CORO2B: variants seen among roughly 807,000 people sequenced by gnomAD.
The protein encoded by CORO2B is coronin-2B.
Under a neutral mutation model 58.8 loss-of-function variants are expected in CORO2B, and 26 were observed. The observed-to-expected ratio is 0.44, with a 90% CI of 0.32 to 0.61. The LOEUF (loss-of-function observed/expected upper bound fraction) is 0.61, where lower values mean the gene tolerates loss of function less well. CORO2B is among the 20% of genes least tolerant of loss of function. CORO2B has a pLI of 0.04. For synonymous variants in CORO2B, 242 were observed against 253.8 expected, an observed-to-expected ratio of 0.95 and a Z score of 0.44; for missense variants, 460 against 645.1, an observed-to-expected ratio of 0.71 and a Z score of 3.11.
chr15:68,708,204 G>T (rs1371422656), intron 3 of CORO2B, among the ~76,000 whole-genome samples: 1 of 152,216 alleles, frequency 6.6e-6, no homozygotes, highest in African/African-American at 2.4e-5. Context: ...CTGGCTCTGT[G>T]GGGGGAACAC....
the CORO2B span, among the ~76,000 whole-genome samples, chr15:68,551,401 G>C: frequency 2.6e-5 from 4 of 152,172 alleles, no homozygotes; most frequent in Non-Finnish European, 5.9e-5. Context: ...ACCTTTGAGA[G>C]CCTTGCCTCA....
At chr15:68,608,385 C>T (rs1900173301) in intron 1 of CORO2B, among the ~76,000 whole-genome samples, 1 of 152,224 alleles carries the variant, frequency 6.6e-6, no homozygotes, top group Non-Finnish European at 1.5e-5. Context: ...ACTGTGGTCC[C>T]CTGGAGGACT....
chr15:68,680,411 G>A lies in CORO2B; in HGVS notation c.217-14729G>A, dbSNP rs538035065. On this transcript the variant is annotated intron_variant, in intron 2 of 11. Transcript: ENST00000261861. ...ACACCCGTGAAATAAAGCAAACAAC[G>A]CAAGACAATGCTAAATGGAGAAGCA... Among the ~76,000 whole-genome samples, 43 of 152,258 alleles carry A rather than the reference G, an allele frequency of 2.8e-4. 1 individual carries two copies. The highest frequency in any genetic ancestry group is 1.0e-3 in the African/African-American group (42 of 41,560).
At chr15:68,630,814 T>C (rs932477452) in intron 1 of CORO2B, among the ~76,000 whole-genome samples, 7 of 152,190 alleles carry the variant, frequency 4.6e-5, no homozygotes, top group Non-Finnish European at 1.0e-4. Flanking sequence ...GTTGTAGGCT[T>C]GTTACCTCTT....
intron 1 of CORO2B, among the ~76,000 whole-genome samples, chr15:68,602,830 C>T (rs886628247): frequency 2.6e-5 from 4 of 152,200 alleles, no homozygotes; most frequent in Non-Finnish European, 5.9e-5. Context: ...AAAAATGTCT[C>T]GTGGAAGCAA....
chr15:68,632,730 A>AT (rs1900881204), intron 1 of CORO2B, among the ~76,000 whole-genome samples: 2 of 152,132 alleles, frequency 1.3e-5, no homozygotes, highest in African/African-American at 4.8e-5. Context: ...AGCTGGGACT[A>AT]TAGGTGCGCG....
At chr15:68,644,974 G>T (rs1901374328) in intron 1 of CORO2B, among the ~76,000 whole-genome samples, 186 bp from the exon 2 acceptor site, 1 of 152,164 alleles carries the variant, frequency 6.6e-6, no homozygotes, top group African/African-American at 2.4e-5. Context: ...ACTAGAACGG[G>T]CTGGGCATAT....
chr15:68,664,717 G>T (rs1902133621), intron 2 of CORO2B, among the ~76,000 whole-genome samples: 1 of 152,106 alleles, frequency 6.6e-6, no homozygotes, highest in African/African-American at 2.4e-5. Context: ...TTGCCAAGCT[G>T]ATGAGTGGGA....
At chr15:68,604,509 T>G (rs1900060111) in intron 1 of CORO2B, among the ~76,000 whole-genome samples, 1 of 152,052 alleles carries the variant, frequency 6.6e-6, no homozygotes, top group South Asian at 2.1e-4. Context: ...GGTGTGGTTT[T>G]TTTTTTAAAA....
At chr15:68,614,440 G>A (rs1900306813) in intron 1 of CORO2B, among the ~76,000 whole-genome samples, 1 of 152,112 alleles carries the variant, frequency 6.6e-6, no homozygotes, top group Non-Finnish European at 1.5e-5. Context: ...ATGAGTTTGG[G>A]TAGATGAGGA....
chr15:68,570,390 T>G, the CORO2B span, among the ~76,000 whole-genome samples: 2 of 152,244 alleles, frequency 1.3e-5, no homozygotes, highest in Admixed American at 6.5e-5. Flanking sequence ...TTGTGATGTC[T>G]TCGTCTGAAT....
chr15:68,659,776 A>C (rs2140285593), intron 2 of CORO2B, among the ~76,000 whole-genome samples: 1 of 152,352 alleles, frequency 6.6e-6, no homozygotes, highest in Non-Finnish European at 1.5e-5. Context: ...TCTACTAAAA[A>C]TACAAAAATT....
chr15:68,560,321 T>A, the CORO2B span, among the ~76,000 whole-genome samples: 105,197 of 149,386 alleles, frequency 0.7, 37,630 homozygotes, highest in East Asian at 0.87. Context: ...CTGAGACAGG[T>A]TCTCGCTCTG....
chr15:68,695,440 C>T (rs1892488159), intron 3 of CORO2B, among the ~76,000 whole-genome samples, 184 bp downstream of exon 3: 1 of 152,180 alleles, frequency 6.6e-6, no homozygotes, highest in African/African-American at 2.4e-5. Flanking sequence ...GCAGCAAATC[C>T]CTGCTGGATT....
intron 1 of CORO2B, among the ~76,000 whole-genome samples, chr15:68,598,651 T>G (rs1484346860): frequency 6.6e-6 from 1 of 152,178 alleles, no homozygotes; most frequent in Admixed American, 6.5e-5. Flanking sequence ...AGCAGCGTAC[T>G]CTCCCCAGCT....
chr15:68,524,499 A>G, the CORO2B span, among the ~76,000 whole-genome samples: 1 of 152,146 alleles, frequency 6.6e-6, no homozygotes, highest in Admixed American at 6.5e-5. Context: ...AATGAACTTC[A>G]CCATTTTATT....
At chr15:68,654,200 C>T (rs1184718649) in intron 2 of CORO2B, among the ~76,000 whole-genome samples, 2 of 152,170 alleles carry the variant, frequency 1.3e-5, no homozygotes, top group African/African-American at 4.8e-5. Context: ...TGAAGGCGAG[C>T]CCTTCTGCAG....
At chr15:68,617,263 G>A (rs1304504838) in intron 1 of CORO2B, among the ~76,000 whole-genome samples, 1 of 152,226 alleles carries the variant, frequency 6.6e-6, no homozygotes, top group East Asian at 1.9e-4. Context: ...GAGGAGACAG[G>A]TGCATCAGCC....
At chr15:68,575,577 G>GCCCCCTCCCC (rs78111726), upstream of CORO2B, among the ~76,000 whole-genome samples, 1 of 38,752 alleles carries the variant, frequency 2.6e-5, no homozygotes, top group Non-Finnish European at 5.7e-5. Context: ...CTTGTGATCT[G>GCCCCCTCCCC]CCCCCGCCTC....
Sources: allele counts gnomAD v4.1 joint callset (sites outside exome capture counted in the v4.1 genomes callset), GRCh38; gene constraint gnomAD v4.1.1; transcripts MANE v1.5; gene names NCBI Gene and HGNC (gene_info 2026-07-23, HGNC 2026-07-21).